Variants in INSYN2A observed in about 807,000 individuals in gnomAD.
INSYN2A encodes family with sequence similarity 196 member A.
In INSYN2A, 17 loss-of-function variants were observed where a neutral mutation model predicts 39.4. The observed-to-expected ratio is 0.43, with a 90% confidence interval of 0.30 to 0.65. INSYN2A has a LOEUF of 0.65. Among genes scored for constraint, INSYN2A ranks in the 30% least tolerant of loss-of-function variants. INSYN2A has a pLI of 0.14. For missense variants in INSYN2A, 595 were observed against 631.2 expected, an observed-to-expected ratio of 0.94 and a Z score of 0.61; for synonymous variants, 255 against 265.7, an observed-to-expected ratio of 0.96 and a Z score of 0.39.
At chr10:127,158,285 AAAAACTT>A (rs1389175216) in intron 4 of INSYN2A, among the ~76,000 whole-genome samples, 32 of 152,224 alleles carry the variant, frequency 2.1e-4, no homozygotes, top group African/African-American at 7.7e-4. Flanking sequence ...AGAACAACCT[AAAAACTT>A]TAAACTGCTA....
chr10:127,145,954 G>A (rs760913478), intron 5 of INSYN2A: 7 of 511,786 alleles, frequency 1.4e-5, no homozygotes, highest in Admixed American at 5.9e-5. Flanking sequence ...CTTTCAAGAC[G>A]CCTATCTGTG....
intron 2 of INSYN2A, among the ~76,000 whole-genome samples, chr10:127,186,047 G>A (rs1438896145): frequency 1.3e-5 from 2 of 152,168 alleles, no homozygotes; most frequent in African/African-American, 2.4e-5. Flanking sequence ...GAATAACAAC[G>A]TTTTAGAGCA....
At chr10:127,187,221 C>A (rs528039445) in intron 2 of INSYN2A, among the ~76,000 whole-genome samples, 5 of 152,216 alleles carry the variant, frequency 3.3e-5, no homozygotes, top group Non-Finnish European at 4.4e-5. Context: ...TTGCCTCTAT[C>A]TTTTTATCTC....
At position 127,136,652 on chromosome 10, in the gene INSYN2A, A is replaced by G. The variant is rs939423116; in HGVS notation, c.*1185T>C. 4 of 152,686 alleles carry G rather than the reference A, an allele frequency of 2.6e-5. No individual in the cohort carries two copies. Among genetic ancestry groups the G allele is most frequent in the African/African-American group, 7.2e-5 (3 of 41,468 alleles). 9.5% of individuals were successfully genotyped at this position (152,686 alleles called of 1,614,324 possible). A position where few individuals can be genotyped will look rare whatever the true frequency, so the allele number is the denominator to read the frequency against. On this transcript the variant is annotated 3_prime_UTR_variant, in exon 6 of 6. Transcript: ENST00000522781. ...AACTAAGATTTACATTGCAATGTGT[A>G]ATCAAGAGAGAACTCTAAGTGTTAC...
chr10:127,146,071 C>G, intron 5 of INSYN2A: 1 of 514,480 alleles, frequency 1.9e-6, no homozygotes, highest in South Asian at 1.4e-5. Flanking sequence ...GGACTGCGTC[C>G]CGTATTTACC....
chr10:127,163,625 T>C (rs892576808), intron 4 of INSYN2A, among the ~76,000 whole-genome samples: 1 of 152,170 alleles, frequency 6.6e-6, no homozygotes, highest in African/African-American at 2.4e-5. Flanking sequence ...AATAGGACTC[T>C]CACAATTTTG....
intron 4 of INSYN2A, among the ~76,000 whole-genome samples, chr10:127,171,540 C>G (rs1026863590): frequency 1.4e-4 from 21 of 152,192 alleles, no homozygotes; most frequent in African/African-American, 3.9e-4. Flanking sequence ...GGTGCCTGCC[C>G]TCACTAGGAC....
At chr10:127,150,854 C>T (rs1189007128) in intron 5 of INSYN2A, among the ~76,000 whole-genome samples, 1 of 152,122 alleles carries the variant, frequency 6.6e-6, no homozygotes, top group Non-Finnish European at 1.5e-5. Flanking sequence ...ACTTTAAAGA[C>T]AGGAAAATTG....
At position 127,137,820 on chromosome 10, in the gene INSYN2A, T is replaced by C; in HGVS notation, c.*17A>G. On this transcript the variant is annotated 3_prime_UTR_variant, in exon 6 of 6. Coordinates refer to ENST00000522781, the MANE Select transcript of INSYN2A (RefSeq NM_001039762.3). ...TGGGTTCTAAAGACGGCCTCGAGAC[T>C]CCAGACACCGTGAGTGTTAAAGGAA... 1 of 1,604,998 alleles carries C rather than the reference T, an allele frequency of 6.2e-7. No individual in the cohort carries two copies. The highest frequency in any genetic ancestry group is 8.5e-7 in the Non-Finnish European group (1 of 1,177,050).
intron 4 of INSYN2A, among the ~76,000 whole-genome samples, chr10:127,154,440 G>A (rs2052831753): frequency 6.6e-6 from 1 of 152,160 alleles, no homozygotes; most frequent in East Asian, 1.9e-4. Context: ...TATAATATTT[G>A]TGACACATGG....
chr10:127,194,974 AG>A (rs1374138991), intron 1 of INSYN2A, among the ~76,000 whole-genome samples: 2 of 147,600 alleles, frequency 1.4e-5, no homozygotes, highest in East Asian at 4.0e-4. Flanking sequence ...ACAGCAGGAG[AG>A]GGGTCCGGGC....
intron 4 of INSYN2A, among the ~76,000 whole-genome samples, chr10:127,157,395 G>A (rs1372353882): frequency 6.6e-6 from 1 of 152,262 alleles, no homozygotes. Flanking sequence ...TGTATAAAAT[G>A]AGAGGCCCTT....
intron 2 of INSYN2A, among the ~76,000 whole-genome samples, chr10:127,182,767 C>T (rs972740023): frequency 2.6e-5 from 4 of 152,050 alleles, no homozygotes; most frequent in Non-Finnish European, 5.9e-5. Context: ...AACTAATTTC[C>T]CTGCCTCCCT....
chr10:127,181,586 C>G (rs2055739464), intron 2 of INSYN2A, among the ~76,000 whole-genome samples: 1 of 152,166 alleles, frequency 6.6e-6, no homozygotes, highest in African/African-American at 2.4e-5. Context: ...TTCCTAGTGG[C>G]TTTCTCACTG....
intron 5 of INSYN2A, among the ~76,000 whole-genome samples, chr10:127,144,196 AG>A (rs2133340684): frequency 6.6e-6 from 1 of 152,242 alleles, no homozygotes; most frequent in Non-Finnish European, 1.5e-5. Flanking sequence ...GAGTCACCTT[AG>A]GAAAACTGGC....
intron 4 of INSYN2A, among the ~76,000 whole-genome samples, chr10:127,163,799 C>CTTTTTTT (rs531750560): frequency 7.7e-6 from 1 of 129,228 alleles, no homozygotes; most frequent in Non-Finnish European, 1.7e-5. Flanking sequence ...TAAAGCCTTC[C>CTTTTTTT]TTTTTTTTTT....
chr10:127,186,344 C>T (rs907428306), intron 2 of INSYN2A, among the ~76,000 whole-genome samples: 32 of 152,130 alleles, frequency 2.1e-4, no homozygotes, highest in African/African-American at 7.7e-4. Context: ...CACAAGGCTG[C>T]AGGACTGAAT....
chr10:127,189,698 G>C (rs1380924814), intron 2 of INSYN2A, among the ~76,000 whole-genome samples: 1 of 152,170 alleles, frequency 6.6e-6, no homozygotes, highest in African/African-American at 2.4e-5. Flanking sequence ...GTTTGAAAGT[G>C]AACAGCATAT....
In INSYN2A at chr10:127,176,232, G is replaced by A. The variant is rs952293347; in HGVS notation, c.164C>T (p.Ala55Val). ...LQVRFKDICE[A>V]QNEQRDTQLS... ...CTGTGTGTCCCTCTGCTCATTCTGT[G>A]CCTCGCAGATATCCTTAAACCGCAC... The change falls in exon 4 of 6, where the codon GCA becomes GTA. Residue 55 changes from alanine to valine, a missense_variant. By Grantham distance (64) the Ala-to-Val change is moderately conservative. Around this residue, in one of 2 missense-constraint regions of INSYN2A, gnomAD observed 478 missense variants for 467.4 expected, o/e 1.02. Transcript: ENST00000522781. The surrounding 1 kb of genome is among the most constrained non-coding windows in gnomAD (Gnocchi z 4.4). 1 of 1,614,124 alleles carries A rather than the reference G, an allele frequency of 6.2e-7. No homozygotes were observed. Among genetic ancestry groups the A allele is most frequent in the Non-Finnish European group, 8.5e-7 (1 of 1,180,040 alleles).
Sources: gnomAD v4.1 joint callset for allele counts (sites outside exome capture counted in the v4.1 genomes callset) on GRCh38, gnomAD v4.1.1 for gene constraint, gnomAD v4.1.1 regional missense constraint, Gnocchi (gnomAD v3.1) non-coding constraint, MANE v1.5 for transcripts, NCBI Gene and HGNC (gene_info 2026-07-23, HGNC 2026-07-21) for gene names.